Variants in ITGB3 observed in about 807,000 individuals in gnomAD.
The protein encoded by ITGB3 is integrin subunit beta 3.
ITGB3 carries 48 observed loss-of-function variants against 85.8 expected under a neutral mutation model. The observed-to-expected ratio is 0.56, with a 90% CI of 0.44 to 0.71. ITGB3 has a LOEUF of 0.71. ITGB3 is among the 30% of genes least tolerant of loss of function. The pLI, the probability that ITGB3 is intolerant of heterozygous loss-of-function variation, is 0.00. For synonymous variants in ITGB3, 363 were observed against 395.6 expected (o/e 0.92, Z 0.98); for missense variants, 861 against 1,019.1 (o/e 0.84, Z 2.11).
intron 1 of ITGB3, among the ~76,000 whole-genome samples, chr17:47,265,807 T>C (rs2065023295): frequency 6.6e-6 from 1 of 152,206 alleles, no homozygotes; most frequent in Non-Finnish European, 1.5e-5. Context: ...AAAAACAGTT[T>C]TAAATCTCTA....
At chr17:47,277,456 A>C (rs139742353) in intron 2 of ITGB3, among the ~76,000 whole-genome samples, 1 of 152,302 alleles carries the variant, frequency 6.6e-6, no homozygotes, top group East Asian at 1.9e-4. Flanking sequence ...TGGTGCCTGT[A>C]GTCCCAGCTA....
In ITGB3 at chr17:47,300,586, C is replaced by T. The variant is rs766677459; in HGVS notation, c.2014+8C>T. On this transcript the variant is annotated splice_region_variant and intron_variant, in intron 12 of 14. Coordinates refer to ENST00000559488, the MANE Select transcript of ITGB3 (RefSeq NM_000212.3). ...AGTCAGTGAAAGAGCTTAGTAAGTT[C>T]AGCACATCTTAGAGTTGCACACACC... The T allele has an allele frequency of 5.6e-6, 9 of 1,606,198 alleles. No individual in the cohort carries two copies. The highest frequency in any genetic ancestry group is 7.7e-6 in the Non-Finnish European group (9 of 1,173,352).
intron 2 of ITGB3, among the ~76,000 whole-genome samples, chr17:47,277,255 T>A (rs1162951582): frequency 2.0e-5 from 3 of 152,222 alleles, no homozygotes; most frequent in Non-Finnish European, 4.4e-5. Flanking sequence ...CAAACTCATT[T>A]GGTGTTGAGA....
intron 2 of ITGB3, among the ~76,000 whole-genome samples, chr17:47,277,096 A>G (rs1344811252): frequency 6.6e-6 from 1 of 152,072 alleles, no homozygotes; most frequent in Non-Finnish European, 1.5e-5. Context: ...CCATCTGCAT[A>G]GGGTGTGTTC....
At chr17:47,305,733 T>C (rs1267775161) in intron 13 of ITGB3, 1 of 152,174 alleles carries the variant, frequency 6.6e-6, no homozygotes, top group Non-Finnish European at 1.5e-5. Flanking sequence ...AAAATGTCAT[T>C]AGGTTCACAG....
chr17:47,278,831 T>C (rs1252178494), intron 2 of ITGB3, among the ~76,000 whole-genome samples: 1 of 152,162 alleles, frequency 6.6e-6, no homozygotes, highest in Non-Finnish European at 1.5e-5. Context: ...TCACTCCTTA[T>C]GAGGATCAAA....
At chr17:47,286,594 TCCCTGGCCTGAGCTGA>T (rs2065103649) in intron 5 of ITGB3, among the ~76,000 whole-genome samples, 172 bp downstream of exon 5, 2 of 152,230 alleles carry the variant, frequency 1.3e-5, no homozygotes, top group African/African-American at 2.4e-5. Context: ...TTAGATCCAC[TCCCTGGCCTGAGCTGA>T]CATTTCTTTG....
rs751720630 is a variant in ITGB3, at chr17:47,307,499, G to A, written c.2163G>A (p.Val721=). The stretch of plus-strand genomic sequence containing the variant: ...GTCCCAAGGGCCCTGACATCCTGGT[G>A]GTCCTGCTCTCAGTGATGGGGGCCA... The part of the protein sequence containing the change: ...PECPKGPDIL[V]VLLSVMGAIL... Residue 721 remains valine (V), a synonymous_variant, in exon 14 of 15, where the codon GTG becomes GTA. Coordinates refer to ENST00000559488, the MANE Select transcript of ITGB3 (RefSeq NM_000212.3). 1.2e-6 allele frequency: 2 copies of A among 1,614,052 alleles called. No homozygotes were observed. Among genetic ancestry groups the A allele is most frequent in the Middle Eastern group, 1.7e-4 (1 of 6,036 alleles).
intron 1 of ITGB3, among the ~76,000 whole-genome samples, chr17:47,267,589 C>T (rs1347416771): frequency 6.6e-6 from 1 of 152,150 alleles, no homozygotes; most frequent in Non-Finnish European, 1.5e-5. Context: ...TAAAATCAAC[C>T]TGTGATTCAT....
rs2065224937 is a variant in ITGB3 at position 47,313,554 on chromosome 17, T to C, written c.*3350T>C. ...TTAGTAGAGACGGGGTTTCACGGTG[T>C]TAGCCAGGAAGGTCTCGATCTCCTG... On this transcript the variant is annotated 3_prime_UTR_variant, in exon 15 of 15. Coordinates refer to ENST00000559488, the MANE Select transcript of ITGB3 (RefSeq NM_000212.3). Among the ~76,000 whole-genome samples the C allele has an allele frequency of 6.6e-6, 1 of 151,826 alleles. No individual in the cohort carries two copies. Among genetic ancestry groups the C allele is most frequent in the African/African-American group, 2.4e-5 (1 of 41,312 alleles).
chr17:47,283,633 G>T, intron 3 of ITGB3, 84 bp downstream of exon 3: 1 of 1,333,200 alleles, frequency 7.5e-7, no homozygotes, highest in Non-Finnish European at 1.1e-6. Flanking sequence ...GAAGTCTTGG[G>T]GAAGTAGCTC....
At position 47,299,653 on chromosome 17, in the gene ITGB3, C is replaced by CCT; in HGVS notation, c.1913+123_1913+124insCT. ...GAGCCTTAGGGAGAGGAGTCCACTC[C>CCT]AGCCAGATGGCTGTCTCTCCTTTTG... On this transcript the variant is annotated intron_variant, in intron 11 of 14. Transcript: ENST00000559488. This position sits in a 1 kb window ranked among gnomAD's most constrained non-coding sequence, Gnocchi z 5.1. 1 of 915,780 alleles carries CCT rather than the reference C, an allele frequency of 1.1e-6. No homozygotes were observed. The highest frequency in any genetic ancestry group is 1.7e-6 in the Non-Finnish European group (1 of 576,742). 56.7% of individuals were successfully genotyped at this position (915,780 alleles called of 1,614,324 possible).
chr17:47,299,894 T>C lies in ITGB3; in HGVS notation c.1913+364T>C, dbSNP rs2065159728. ...AATTATGGAGGACACTCTGTGAAAC[T>C]ACTACAAACCTCCCACTTTAGGGGC... On this transcript the variant is annotated intron_variant, in intron 11 of 14. Transcript: ENST00000559488. The surrounding 1 kb of genome is among the most constrained non-coding windows in gnomAD (Gnocchi z 5.1). 6.6e-6 allele frequency among the ~76,000 whole-genome samples: 1 copy of C among 151,986 alleles called. No individual in the cohort carries two copies. The highest frequency in any genetic ancestry group is 1.5e-5 in the Non-Finnish European group (1 of 68,024).
In ITGB3 at chr17:47,307,614, C is replaced by T. The variant is rs1431211616; in HGVS notation, c.2278C>T (p.Arg760Cys). ...RKEFAKFEEERARAKWDTANN... is the reference protein window; with the variant it reads ...RKEFAKFEEECARAKWDTANN... ...AGAATTCGCTAAATTTGAGGAAGAA[C>T]GCGCCAGAGCAAAATGGGACACAGT... is the stretch of plus-strand genomic sequence containing the variant. Residue 760 changes from arginine (R) to cysteine (C), a missense_variant, in exon 14 of 15, where the codon CGC becomes TGC. Transcript: ENST00000559488. 2.5e-6 allele frequency: 4 copies of T among 1,614,204 alleles called. No individual in the cohort carries two copies. The highest frequency in any genetic ancestry group is 3.4e-6 in the Non-Finnish European group (4 of 1,180,042).
At chr17:47,265,683 A>G (rs1016508401) in intron 1 of ITGB3, among the ~76,000 whole-genome samples, 1 of 152,222 alleles carries the variant, frequency 6.6e-6, no homozygotes, top group Non-Finnish European at 1.5e-5. Flanking sequence ...ACTTCAACAT[A>G]TCTTTTTTGG....
At chr17:47,298,204 CA>C (rs1315423009) in intron 10 of ITGB3, among the ~76,000 whole-genome samples, 3 of 152,224 alleles carry the variant, frequency 2.0e-5, no homozygotes, top group African/African-American at 7.2e-5. Flanking sequence ...GATGAGTCAA[CA>C]GGGGCATGGG....
rs1598693710 is a variant in ITGB3, at chr17:47,290,864, C to T, written c.1126-90C>T. ...GCTGGGGTGAGTCCAGAGCTACTTG[C>T]CAGATTTGGCTTGGGATGGAACTGG... is the stretch of plus-strand genomic sequence containing the variant. On this transcript the variant is annotated intron_variant, in intron 8 of 14. Coordinates refer to ENST00000559488, the MANE Select transcript of ITGB3 (RefSeq NM_000212.3). The T allele has an allele frequency of 3.3e-6, 5 of 1,503,344 alleles. No homozygotes were observed. The Admixed American group carries it at 5.0e-5, about 15-fold the overall frequency. 93.1% of individuals were successfully genotyped at this position (1,503,344 alleles called of 1,614,324 possible).
chr17:47,295,790 C>T (rs1420983845), intron 10 of ITGB3, among the ~76,000 whole-genome samples: 1 of 152,044 alleles, frequency 6.6e-6, no homozygotes, highest in African/African-American at 2.4e-5. Context: ...GGGGGGGCAG[C>T]TCTGCTGGCT....
chr17:47,288,866 CA>C (rs920850850), intron 6 of ITGB3, among the ~76,000 whole-genome samples: 1 of 152,102 alleles, frequency 6.6e-6, no homozygotes, highest in Non-Finnish European at 1.5e-5. Context: ...TGATTAGTGC[CA>C]AATGGGTGTG....
Sources: gnomAD v4.1 joint callset for allele counts (sites outside exome capture counted in the v4.1 genomes callset) on GRCh38, gnomAD v4.1.1 for gene constraint, Gnocchi (gnomAD v3.1) non-coding constraint, MANE v1.5 for transcripts, NCBI Gene and HGNC (gene_info 2026-07-23, HGNC 2026-07-21) for gene names.